ARHGAP15: variants seen among roughly 807,000 people sequenced by gnomAD.
The protein encoded by ARHGAP15 is Rho GTPase activating protein 15, also known as rho GTPase-activating protein 15.
In ARHGAP15, 51 loss-of-function variants were observed where a neutral mutation model predicts 63.7. The ratio of observed to expected loss-of-function variants is 0.80; its 90% confidence interval spans 0.64 to 1.01. The LOEUF (loss-of-function observed/expected upper bound fraction) is 1.01. Among genes scored for constraint, ARHGAP15 ranks in the 50% least tolerant of loss-of-function variants. The pLI, the probability that ARHGAP15 is intolerant of heterozygous loss-of-function variation, is 0.00. For missense variants in ARHGAP15, 560 were observed against 564.6 expected (o/e 0.99, Z 0.08); for synonymous variants, 191 against 193.8 (o/e 0.99, Z 0.12).
chr2:143,761,152 C>A (rs949115494), intron 13 of ARHGAP15, among the ~76,000 whole-genome samples: 1 of 151,962 alleles, frequency 6.6e-6, no homozygotes, highest in Non-Finnish European at 1.5e-5. Context: ...TAGCATAGAT[C>A]CCCCCCGAAA....
At chr2:143,594,380 G>A (rs945995862) in intron 11 of ARHGAP15, among the ~76,000 whole-genome samples, 5 of 152,130 alleles carry the variant, frequency 3.3e-5, no homozygotes, top group African/African-American at 7.2e-5. Context: ...TAAGCAAATC[G>A]TTCAGAACTC....
intron 1 of ARHGAP15, among the ~76,000 whole-genome samples, chr2:143,131,302 C>A (rs2104975748): frequency 1.3e-5 from 2 of 152,270 alleles, no homozygotes; most frequent in South Asian, 4.1e-4. Context: ...AAATAAGTTA[C>A]TATAGAATTC....
chr2:143,150,839 G>A (rs1482387997), intron 1 of ARHGAP15, among the ~76,000 whole-genome samples: 1 of 151,932 alleles, frequency 6.6e-6, no homozygotes, highest in Non-Finnish European at 1.5e-5. Flanking sequence ...GTTCTAGGAA[G>A]AACAAGGGGA....
Position 143,223,889 on chromosome 2 carries a change from T to C in ARHGAP15, c.297-4692T>C, listed in dbSNP as rs575771809. Among the ~76,000 whole-genome samples, 11 of 152,346 alleles carry C rather than the reference T, an allele frequency of 7.2e-5. No homozygotes were observed. The South Asian group carries it at 2.3e-3, about 32-fold the overall frequency. On this transcript the variant is annotated intron_variant, in intron 4 of 13. Coordinates refer to ENST00000295095, the MANE Select transcript of ARHGAP15 (RefSeq NM_018460.4). ...GCAACCTTACTGGGCTTCAGTTTTC[T>C]CTTCTGTAATATGGGAGTATCCTAG...
intron 13 of ARHGAP15, among the ~76,000 whole-genome samples, chr2:143,710,124 C>A (rs377574458): frequency 2.6e-5 from 4 of 151,888 alleles, no homozygotes; most frequent in African/African-American, 7.2e-5. Flanking sequence ...AAATGAGGAA[C>A]CTGTGCAAAT....
intron 2 of ARHGAP15, among the ~76,000 whole-genome samples, chr2:143,159,724 G>A (rs530020784): frequency 1.3e-5 from 2 of 151,966 alleles, no homozygotes; most frequent in South Asian, 4.1e-4. Context: ...CCACATTAAG[G>A]CTTACAGGAT....
At chr2:143,284,973 C>T (rs937321998) in intron 6 of ARHGAP15, among the ~76,000 whole-genome samples, 22 of 151,936 alleles carry the variant, frequency 1.4e-4, no homozygotes, top group Non-Finnish European at 2.5e-4. Context: ...AACATATAAG[C>T]CTTTGGAAAT....
chr2:143,556,586 CAGG>C (rs1695809844), intron 11 of ARHGAP15, 101 bp downstream of exon 11: 7 of 801,802 alleles, frequency 8.7e-6, no homozygotes, highest in Admixed American at 2.8e-5. Context: ...AAAACTTTAA[CAGG>C]AGAATGTGAA....
chr2:143,449,694 C>G (rs1690309792), intron 8 of ARHGAP15, among the ~76,000 whole-genome samples: 1 of 151,906 alleles, frequency 6.6e-6, no homozygotes, highest in African/African-American at 2.4e-5. Context: ...ATTTAGTTAT[C>G]AAAAAATAGA....
At chr2:143,164,533 A>G (rs571625274) in intron 2 of ARHGAP15, among the ~76,000 whole-genome samples, 33 of 152,136 alleles carry the variant, frequency 2.2e-4, no homozygotes, top group African/African-American at 6.5e-4. Flanking sequence ...TTTGATTTGC[A>G]ATAGGACATA....
intron 1 of ARHGAP15, among the ~76,000 whole-genome samples, chr2:143,139,347 G>C (rs924053406): frequency 1.3e-5 from 2 of 152,162 alleles, no homozygotes; most frequent in East Asian, 3.9e-4. Flanking sequence ...TACTCAAGCA[G>C]CATTTATTCC....
intron 11 of ARHGAP15, among the ~76,000 whole-genome samples, chr2:143,556,784 A>G (rs938923446): frequency 6.6e-6 from 1 of 152,134 alleles, no homozygotes; most frequent in Non-Finnish European, 1.5e-5. Context: ...CCAGATTCAA[A>G]AAATGTTATT....
intron 12 of ARHGAP15, among the ~76,000 whole-genome samples, chr2:143,669,980 CTG>C (rs1682432972): frequency 6.6e-6 from 1 of 152,138 alleles, no homozygotes; most frequent in Admixed American, 6.6e-5. Context: ...CCTGTTCAAG[CTG>C]TGTGTGCAAG....
intron 12 of ARHGAP15, among the ~76,000 whole-genome samples, chr2:143,672,145 A>G (rs1228318366): frequency 6.6e-6 from 1 of 152,232 alleles, no homozygotes; most frequent in African/African-American, 2.4e-5. Flanking sequence ...GATGAATTAC[A>G]TTATTTGGAA....
At chr2:143,371,373 A>G (rs558670621) in intron 6 of ARHGAP15, among the ~76,000 whole-genome samples, 2 of 152,252 alleles carry the variant, frequency 1.3e-5, no homozygotes, top group South Asian at 4.1e-4. Context: ...AGAGTTTTAT[A>G]TATTATTTGG....
At chr2:143,749,336 C>T (rs1359761688) in intron 13 of ARHGAP15, among the ~76,000 whole-genome samples, 3 of 152,066 alleles carry the variant, frequency 2.0e-5, no homozygotes, top group Non-Finnish European at 4.4e-5. Flanking sequence ...AAATTGTTTC[C>T]AGGCTATAAG....
chr2:143,497,976 A>G (rs995868043), intron 9 of ARHGAP15, among the ~76,000 whole-genome samples: 3 of 152,198 alleles, frequency 2.0e-5, no homozygotes, highest in African/African-American at 7.2e-5. Flanking sequence ...GACCCCATTC[A>G]GCAGATGTGT....
intron 6 of ARHGAP15, among the ~76,000 whole-genome samples, chr2:143,313,263 A>G (rs13388745): frequency 0.13 from 19,787 of 152,196 alleles, 1,644 homozygotes; most frequent in Non-Finnish European, 0.17. Context: ...ACGGACTTAC[A>G]TGAAGTCCCA....
intron 12 of ARHGAP15, among the ~76,000 whole-genome samples, chr2:143,629,155 A>G (rs1253202389): frequency 1.4e-5 from 2 of 148,004 alleles, no homozygotes; most frequent in Non-Finnish European, 3.0e-5. Flanking sequence ...AACAGAAGGC[A>G]TTTACTTTTT....
Sources: gnomAD v4.1 joint callset for allele counts (sites outside exome capture counted in the v4.1 genomes callset) on GRCh38, gnomAD v4.1.1 for gene constraint, MANE v1.5 for transcripts, NCBI Gene and HGNC (gene_info 2026-07-23, HGNC 2026-07-21) for gene names.